ATG14: variants seen among roughly 807,000 people sequenced by gnomAD.
ATG14 encodes the protein autophagy related 14.
Under a neutral mutation model 60.4 loss-of-function variants are expected in ATG14, and 35 were observed. The observed-to-expected ratio is 0.58, with a 90% CI of 0.44 to 0.77. The LOEUF (loss-of-function observed/expected upper bound fraction) is 0.77. Ranked by LOEUF, ATG14 falls within the 30% of genes least tolerant of loss-of-function variation. The pLI is 0.00. For missense variants in ATG14, 647 were observed against 626.3 expected, an observed-to-expected ratio of 1.03 and a Z score of -0.35; for synonymous variants, 234 against 228.8, an observed-to-expected ratio of 1.02 and a Z score of -0.21.
At chr14:55,392,681 G>C (rs1431500903) in intron 3 of ATG14, among the ~76,000 whole-genome samples, 1 of 149,868 alleles carries the variant, frequency 6.7e-6, no homozygotes, top group Admixed American at 6.6e-5. Flanking sequence ...GGATCTACTA[G>C]TTAGTTAAAA....
rs2140112590 is a variant in ATG14 at position 55,368,447 on chromosome 14, T to TA, written c.*1171_*1172insT. 1 of 152,370 alleles carries TA rather than the reference T, an allele frequency of 6.6e-6. No individual in the cohort carries two copies. Among genetic ancestry groups the TA allele is most frequent in the Admixed American group, 6.5e-5 (1 of 15,296 alleles). The allele number at this position is 152,370 out of a possible 1,614,324, so 9.4% of individuals were successfully genotyped here. A position where few individuals can be genotyped will look rare whatever the true frequency, so the allele number is the denominator to read the frequency against. On this transcript the variant is annotated 3_prime_UTR_variant, in exon 10 of 10. Transcript: ENST00000247178. ...GTTAGCCAGGCTGCTCTCAAACTCC[T>TA]GACCTCAAGTGATCCGCCTGCCTCG...
intron 9 of ATG14, 85 bp downstream of exon 9, chr14:55,377,734 G>A: frequency 1.0e-6 from 1 of 974,856 alleles, no homozygotes; most frequent in South Asian, 1.9e-5. Flanking sequence ...TGGGATTAGG[G>A]AACACGACTC....
rs551279301 is a variant in ATG14 at position 55,383,595 on chromosome 14, A to C, written c.648-1404T>G. On this transcript the variant is annotated intron_variant, in intron 5 of 9. Transcript: ENST00000247178. ...AAACAACAACAACAACAACAAAAAAAACCCCCAAGAACAACAAAAAATAAC... is the reference window on the plus strand; with the variant it reads ...AAACAACAACAACAACAACAAAAAACACCCCCAAGAACAACAAAAAATAAC... 8.1e-4 allele frequency among the ~76,000 whole-genome samples: 123 copies of C among 151,598 alleles called. 1 individual carries two copies. Among genetic ancestry groups the C allele is most frequent in the South Asian group, 1.3e-3 (6 of 4,790 alleles).
rs116675820 is a variant in ATG14 at position 55,385,069 on chromosome 14, C to T, written c.647+790G>A. Among the ~76,000 whole-genome samples the T allele has an allele frequency of 8.4e-3, 1,282 of 152,266 alleles. 24 individuals carry two copies. The highest frequency in any genetic ancestry group is 0.03 in the African/African-American group (1,233 of 41,524). ...TGCTTGATAACAGTTATCTTAGCAG[C>T]GGTCACCAGGAAAAGGCTAAGCCAA... On this transcript the variant is annotated intron_variant, in intron 5 of 9. Coordinates refer to ENST00000247178, the MANE Select transcript of ATG14 (RefSeq NM_014924.5).
intron 1 of ATG14, among the ~76,000 whole-genome samples, chr14:55,408,677 G>A (rs1179861911): frequency 6.6e-6 from 1 of 152,152 alleles, no homozygotes; most frequent in Admixed American, 6.6e-5. Flanking sequence ...AGGTTAAGAT[G>A]GGAGGATTGC....
At chr14:55,377,688 A>G in intron 9 of ATG14, 131 bp downstream of exon 9, 1 of 553,430 alleles carries the variant, frequency 1.8e-6, no homozygotes, top group Non-Finnish European at 3.2e-6. Context: ...TTCTTTCTGT[A>G]TTGGACTCCA....
chr14:55,390,739 A>G (rs1407657883), intron 4 of ATG14, among the ~76,000 whole-genome samples, 172 bp downstream of exon 4: 1 of 152,252 alleles, frequency 6.6e-6, no homozygotes, highest in African/African-American at 2.4e-5. Flanking sequence ...TTAACTTTTA[A>G]AAATTCCTTA....
At chr14:55,398,495 A>C (rs1442821751) in intron 1 of ATG14, among the ~76,000 whole-genome samples, 2 of 152,156 alleles carry the variant, frequency 1.3e-5, no homozygotes, top group African/African-American at 4.8e-5. Context: ...GAAACTTTTA[A>C]TCTTCCATAA....
intron 3 of ATG14, chr14:55,395,168 T>G (rs902967767): frequency 1.1e-5 from 5 of 458,268 alleles, no homozygotes; most frequent in African/African-American, 1.0e-4. Flanking sequence ...CTGATAAGCG[T>G]GCCGATCTCC....
intron 6 of ATG14, among the ~76,000 whole-genome samples, 185 bp from the exon 7 acceptor site, chr14:55,380,875 A>ATATATATTTTTTTTTT (rs377330757): frequency 6.6e-4 from 74 of 112,678 alleles, no homozygotes; most frequent in Non-Finnish European, 1.1e-3. Context: ...ATATATATAT[A>ATATATATTTTTTTTTT]TTTTTTTTTT....
intron 9 of ATG14, among the ~76,000 whole-genome samples, chr14:55,372,701 T>C (rs544067798): frequency 6.6e-6 from 1 of 151,676 alleles, no homozygotes; most frequent in Admixed American, 6.6e-5. Flanking sequence ...TTCCTTCCTT[T>C]TTACCACAGC....
chr14:55,371,654 A>G (rs1884820240), intron 9 of ATG14, among the ~76,000 whole-genome samples: 1 of 152,118 alleles, frequency 6.6e-6, no homozygotes, highest in South Asian at 2.1e-4. Flanking sequence ...AATACAAAAA[A>G]TTAGCTGGGT....
chr14:55,370,019 G>A, intron 9 of ATG14, 94 bp from the exon 10 acceptor site: 3 of 1,235,050 alleles, frequency 2.4e-6, no homozygotes, highest in South Asian at 1.6e-5. Context: ...CTGAGGGGAT[G>A]AGGGACGCCG....
At chr14:55,392,523 T>C (rs1183987752) in intron 3 of ATG14, among the ~76,000 whole-genome samples, 4 of 151,462 alleles carry the variant, frequency 2.6e-5, no homozygotes, top group African/African-American at 9.7e-5. Context: ...GTGACATGCA[T>C]CTATAGTCCC....
intron 1 of ATG14, 85 bp downstream of exon 1, chr14:55,411,517 C>A (rs1305700037): frequency 5.3e-6 from 7 of 1,330,784 alleles, no homozygotes; most frequent in Non-Finnish European, 6.2e-6. Flanking sequence ...GGTGCCCGGA[C>A]GGGGAGCCCC....
In ATG14 at chr14:55,386,087, C is replaced by A. The variant is rs778145575; in HGVS notation, c.419G>T (p.Gly140Val). 1.9e-6 allele frequency: 3 copies of A among 1,607,298 alleles called. No individual in the cohort carries two copies. Among genetic ancestry groups the A allele is most frequent in the Non-Finnish European group, 1.7e-6 (2 of 1,177,852 alleles). The change falls in exon 5 of 10, where the codon GGC becomes GTC. Residue 140 changes from glycine to valine, a missense_variant. Coordinates refer to ENST00000247178, the MANE Select transcript of ATG14 (RefSeq NM_014924.5). Reference sequence around the variant, plus strand: ...ATTCTTTTCCTTGGTTTTGAGAAGGCCTTCAGAATCTAAAATAAATAAATC... The same window carrying A: ...ATTCTTTTCCTTGGTTTTGAGAAGGACTTCAGAATCTAAAATAAATAAATC... ...GNEEMEKNSEGLLKTKEKNQK... is the reference protein window; with the variant it reads ...GNEEMEKNSEVLLKTKEKNQK...
At chr14:55,394,005 A>ATTTT (rs1300990357) in intron 3 of ATG14, among the ~76,000 whole-genome samples, 1 of 138,922 alleles carries the variant, frequency 7.2e-6, no homozygotes, top group African/African-American at 2.6e-5. Flanking sequence ...CAGTATCATA[A>ATTTT]TTTTTTTTTT....
intron 9 of ATG14, among the ~76,000 whole-genome samples, chr14:55,375,008 A>G (rs898304118): frequency 1.3e-5 from 2 of 152,224 alleles, no homozygotes; most frequent in Non-Finnish European, 2.9e-5. Context: ...TCAAAGCTCC[A>G]TGAAATACGA....
At chr14:55,388,035 G>A (rs1485117055) in intron 4 of ATG14, among the ~76,000 whole-genome samples, 1 of 152,074 alleles carries the variant, frequency 6.6e-6, no homozygotes, top group Non-Finnish European at 1.5e-5. Flanking sequence ...TACTTGGGAG[G>A]CTGAGGCAGG....
Sources: gnomAD v4.1 joint callset for allele counts (sites outside exome capture counted in the v4.1 genomes callset) on GRCh38, gnomAD v4.1.1 for gene constraint, MANE v1.5 for transcripts, NCBI Gene and HGNC (gene_info 2026-07-23, HGNC 2026-07-21) for gene names.